Variants in OTUD7A observed in about 807,000 individuals in gnomAD.
OTUD7A encodes OTU deubiquitinase 7A.
A neutral mutation model predicts 65.7 loss-of-function variants in OTUD7A; 12 were observed. The ratio of observed to expected loss-of-function variants is 0.18; its 90% CI spans 0.12 to 0.30. The LOEUF is 0.30. OTUD7A is among the 10% of genes least tolerant of loss of function. The probability of loss-of-function intolerance (pLI) is 1.00; values close to 1 mark genes in which losing one functional copy is unlikely to be tolerated. For missense variants in OTUD7A, 1,148 were observed against 1,304.8 expected, an observed-to-expected ratio of 0.88 and a Z score of 1.85; for synonymous variants, 641 against 586.3, an observed-to-expected ratio of 1.09 and a Z score of -1.35.
intron 4 of OTUD7A, 27 bp downstream of exon 4, chr15:31,569,991 T>C: frequency 6.2e-7 from 1 of 1,611,568 alleles, no homozygotes; most frequent in Non-Finnish European, 8.5e-7. Flanking sequence ...TGGGCGGCTG[T>C]GCCTAGGCTC....
chr15:31,626,663 C>A (rs534491965), intron 3 of OTUD7A, among the ~76,000 whole-genome samples: 192 of 152,248 alleles, frequency 1.3e-3, no homozygotes, highest in Middle Eastern at 6.8e-3. Flanking sequence ...GCAGCCTTGA[C>A]CTCCTGGGTT....
At chr15:31,516,426 G>A (rs192121269) in intron 8 of OTUD7A, among the ~76,000 whole-genome samples, 4 of 152,080 alleles carry the variant, frequency 2.6e-5, no homozygotes, top group Admixed American at 6.6e-5. Context: ...CAGCTCCAGC[G>A]GGGGGCAGCC....
intron 1 of OTUD7A, among the ~76,000 whole-genome samples, chr15:31,782,075 T>A (rs1456586260): frequency 3.3e-5 from 5 of 152,238 alleles, no homozygotes; most frequent in Non-Finnish European, 4.4e-5. Context: ...TCTAACAGAC[T>A]GGTAGGTGCT....
intron 1 of OTUD7A, among the ~76,000 whole-genome samples, chr15:31,837,192 C>T (rs1897074468): frequency 6.6e-6 from 1 of 151,818 alleles, no homozygotes; most frequent in South Asian, 2.1e-4. Flanking sequence ...CTAGCAATGC[C>T]CATATGAAAC....
intron 4 of OTUD7A, among the ~76,000 whole-genome samples, chr15:31,560,136 T>C (rs1888642869): frequency 1.3e-5 from 2 of 152,252 alleles, no homozygotes; most frequent in African/African-American, 4.8e-5. Context: ...GACCGCTCTT[T>C]GTCTCGATGC....
At chr15:31,619,460 G>T (rs980552646) in intron 3 of OTUD7A, among the ~76,000 whole-genome samples, 7 of 152,082 alleles carry the variant, frequency 4.6e-5, no homozygotes, top group African/African-American at 1.7e-4. Flanking sequence ...TGAGTGGTTT[G>T]TAGTTCTCCC....
chr15:31,561,913 A>G (rs1595612480), intron 4 of OTUD7A, among the ~76,000 whole-genome samples: 1 of 152,344 alleles, frequency 6.6e-6, no homozygotes, highest in Middle Eastern at 3.4e-3. Context: ...AAAAATACAG[A>G]AAGATTAGAA....
chr15:31,746,047 G>A, intron 1 of OTUD7A, among the ~76,000 whole-genome samples: 1 of 152,166 alleles, frequency 6.6e-6, no homozygotes, highest in East Asian at 1.9e-4. Context: ...GTGTTGACAA[G>A]GATGGGGAGC....
At chr15:31,869,749 G>T (rs1293893586) in intron 1 of OTUD7A, among the ~76,000 whole-genome samples, 1 of 152,238 alleles carries the variant, frequency 6.6e-6, no homozygotes, top group African/African-American at 2.4e-5. Context: ...TCAAAGGGCT[G>T]CAATAGCTTC....
Position 31,483,594 on chromosome 15 carries a change from C to A in OTUD7A, c.2502G>T (p.Ala834=). 8.1e-7 allele frequency: 1 copy of A among 1,230,388 alleles called. No homozygotes were observed. Among genetic ancestry groups the A allele is most frequent in the Non-Finnish European group, 1.0e-6 (1 of 989,468 alleles). The allele number at this position is 1,230,388 out of a possible 1,614,324, so 76.2% of individuals were successfully genotyped here. A position where few individuals can be genotyped will look rare whatever the true frequency, so the allele number is the denominator to read the frequency against. ...CCGGTAGGGCCCCGGGCACCGCGCG[C>A]GCCAGCGACTCGACCGTGTTGACGG... The part of the protein sequence containing the change: ...LRTVNTVESL[A]RAVPGALPGA... Residue 834 remains alanine (A), a synonymous_variant, in exon 13 of 13, where the codon GCG becomes GCT. Coordinates refer to ENST00000307050, the MANE Select transcript of OTUD7A (RefSeq NM_001382637.1).
intron 3 of OTUD7A, among the ~76,000 whole-genome samples, chr15:31,598,834 C>A (rs1160073594): frequency 6.6e-6 from 1 of 152,102 alleles, no homozygotes; most frequent in Non-Finnish European, 1.5e-5. Flanking sequence ...GGGGCGTCTG[C>A]CATTGCTGAG....
intron 1 of OTUD7A, among the ~76,000 whole-genome samples, chr15:31,844,428 C>A (rs1423562553): frequency 6.6e-6 from 1 of 152,224 alleles, no homozygotes; most frequent in Non-Finnish European, 1.5e-5. Context: ...ACCCAGGAGG[C>A]GGAGGTTGCA....
intron 8 of OTUD7A, among the ~76,000 whole-genome samples, chr15:31,504,935 GC>G (rs2041537032): frequency 6.6e-6 from 1 of 150,712 alleles, no homozygotes; most frequent in African/African-American, 2.5e-5. Flanking sequence ...TTGTTACCCA[GC>G]CTGGAGTGCA....
chr15:31,858,382 C>T (rs980268264), intron 1 of OTUD7A, among the ~76,000 whole-genome samples: 1 of 152,162 alleles, frequency 6.6e-6, no homozygotes, highest in East Asian at 1.9e-4. Context: ...GTTCAAAGAT[C>T]CCTCTACAAA....
Position 31,484,840 on chromosome 15 carries a change from G to A in OTUD7A, c.1372-116C>T. On this transcript the variant is annotated intron_variant, in intron 12 of 12. Transcript: ENST00000307050. The surrounding 1 kb of genome is among the most constrained non-coding windows in gnomAD (Gnocchi z 4.5). ...GAGGCTAGGGCCCTGGACCTTCACT[G>A]TCCCAGTCCCCACTGTCGCTCTGGT... 6.8e-7 allele frequency: 1 copy of A among 1,462,546 alleles called. No individual in the cohort carries two copies. The highest frequency in any genetic ancestry group is 9.0e-7 in the Non-Finnish European group (1 of 1,108,782). The allele number at this position is 1,462,546 out of a possible 1,614,324, so 90.6% of individuals were successfully genotyped here. A position where few individuals can be genotyped will look rare whatever the true frequency, so the allele number is the denominator to read the frequency against.
chr15:31,640,942 A>G (rs528749719), intron 3 of OTUD7A, among the ~76,000 whole-genome samples: 1 of 152,270 alleles, frequency 6.6e-6, no homozygotes, highest in Non-Finnish European at 1.5e-5. Context: ...CATTTGATCA[A>G]CATCACAGTT....
intron 3 of OTUD7A, among the ~76,000 whole-genome samples, chr15:31,635,591 C>T (rs141486105): frequency 2.2e-4 from 33 of 152,298 alleles, no homozygotes; most frequent in Non-Finnish European, 4.0e-4. Flanking sequence ...CTAACTCCAA[C>T]CTGGATGTTT....
rs2041043493 is a variant in OTUD7A, at chr15:31,477,658, G to A, written c.*5636C>T. 2.0e-5 allele frequency: 3 copies of A among 152,296 alleles called. No individual in the cohort carries two copies. Among genetic ancestry groups the A allele is most frequent in the South Asian group, 4.1e-4 (2 of 4,826 alleles). 9.4% of individuals were successfully genotyped at this position (152,296 alleles called of 1,614,324 possible). ...GCCTCTTAATAGTTTTCAATTTACTGATTTAATTTCCTTTTTTCAATAAAT... is the reference window on the plus strand; with the variant it reads ...GCCTCTTAATAGTTTTCAATTTACTAATTTAATTTCCTTTTTTCAATAAAT... On this transcript the variant is annotated 3_prime_UTR_variant, in exon 13 of 13. Transcript: ENST00000307050.
intron 1 of OTUD7A, among the ~76,000 whole-genome samples, chr15:31,671,623 C>T (rs1892486322): frequency 6.6e-6 from 1 of 152,062 alleles, no homozygotes; most frequent in African/African-American, 2.4e-5. Flanking sequence ...AATGTGCTTC[C>T]TAATACTGAA....
Sources: allele counts gnomAD v4.1 joint callset (sites outside exome capture counted in the v4.1 genomes callset), GRCh38; gene constraint gnomAD v4.1.1; non-coding constraint Gnocchi (gnomAD v3.1); transcripts MANE v1.5; gene names NCBI Gene and HGNC (gene_info 2026-07-23, HGNC 2026-07-21).